The following DLGAP1 variants were observed in gnomAD, a reference collection of about 807,000 sequenced individuals.
The protein encoded by DLGAP1 is DLG associated protein 1, also known as disks large-associated protein 1.
In DLGAP1, 11 loss-of-function variants were observed where a neutral mutation model predicts 90.8. That is an observed-to-expected ratio of 0.12 (90% CI 0.08 to 0.20). DLGAP1 has a LOEUF of 0.20. Ranked by LOEUF, DLGAP1 falls within the 10% of genes least tolerant of loss-of-function variation. DLGAP1 has a pLI of 1.00. For synonymous variants in DLGAP1, 558 were observed against 540.7 expected (o/e 1.03, Z -0.44); for missense variants, 1,050 against 1,333.8 (o/e 0.79, Z 3.31).
At chr18:4,192,755 A>C (rs2077424532) in intron 1 of DLGAP1, among the ~76,000 whole-genome samples, 1 of 152,186 alleles carries the variant, frequency 6.6e-6, no homozygotes, top group African/African-American at 2.4e-5. Flanking sequence ...AATGAGGCCA[A>C]TGTGGATCTG....
chr18:3,827,057 G>A (rs2067757949), intron 4 of DLGAP1, among the ~76,000 whole-genome samples: 1 of 152,172 alleles, frequency 6.6e-6, no homozygotes, highest in Admixed American at 6.5e-5. Context: ...AGTAGACTCA[G>A]GATGGAAATT....
intron 3 of DLGAP1, among the ~76,000 whole-genome samples, chr18:3,956,307 A>C (rs1050592463): frequency 2.0e-5 from 3 of 152,202 alleles, no homozygotes; most frequent in Admixed American, 1.3e-4. Flanking sequence ...AAAAATGAAG[A>C]TGAAAGGAAG....
At chr18:3,780,862 T>G (rs1191574980) in intron 5 of DLGAP1, among the ~76,000 whole-genome samples, 1 of 148,630 alleles carries the variant, frequency 6.7e-6, no homozygotes, top group African/African-American at 2.4e-5. Flanking sequence ...AGTGCAGTGG[T>G]GCAATCTTAG....
chr18:3,877,818 A>G (rs1466384225), intron 4 of DLGAP1, among the ~76,000 whole-genome samples: 1 of 152,232 alleles, frequency 6.6e-6, no homozygotes, highest in African/African-American at 2.4e-5. Context: ...ATAGTTCTTG[A>G]TAACTTATTA....
At chr18:4,189,784 T>G (rs998108240) in intron 1 of DLGAP1, among the ~76,000 whole-genome samples, 1 of 152,040 alleles carries the variant, frequency 6.6e-6, no homozygotes, top group Non-Finnish European at 1.5e-5. Flanking sequence ...TAGAACAGAA[T>G]AGAGAGCCCA....
At chr18:4,382,610 A>G (rs568042014) in intron 1 of DLGAP1, among the ~76,000 whole-genome samples, 1 of 152,230 alleles carries the variant, frequency 6.6e-6, no homozygotes, top group South Asian at 2.1e-4. Context: ...TGCAATTAAA[A>G]AAACCTATGT....
chr18:4,386,454 A>G (rs2082232413), intron 1 of DLGAP1, among the ~76,000 whole-genome samples: 1 of 152,224 alleles, frequency 6.6e-6, no homozygotes, highest in Non-Finnish European at 1.5e-5. Flanking sequence ...AGTCCACTGG[A>G]TATGGCAAAT....
At chr18:4,226,743 C>A (rs1177543778) in intron 1 of DLGAP1, among the ~76,000 whole-genome samples, 2 of 144,942 alleles carry the variant, frequency 1.4e-5, no homozygotes, top group African/African-American at 2.5e-5. Context: ...GAAAACAGAC[C>A]ACAAGAGAAA....
chr18:4,067,585 G>A (rs544240592), intron 2 of DLGAP1, among the ~76,000 whole-genome samples: 53 of 143,684 alleles, frequency 3.7e-4, no homozygotes, highest in Non-Finnish European at 4.0e-4. Context: ...CTGAGAGTTT[G>A]GCATTTTTTT....
intron 4 of DLGAP1, among the ~76,000 whole-genome samples, chr18:3,817,871 C>T (rs544280060): frequency 1.0e-3 from 153 of 152,232 alleles, no homozygotes; most frequent in Middle Eastern, 3.4e-3. Context: ...AAAAGATAAC[C>T]TTGCAGCTGT....
intron 8 of DLGAP1, among the ~76,000 whole-genome samples, chr18:3,569,207 G>A (rs2054622110): frequency 6.8e-6 from 1 of 147,350 alleles, no homozygotes; most frequent in East Asian, 2.1e-4. Flanking sequence ...TCACCATGTT[G>A]GTCAGGCTGG....
At chr18:4,382,348 A>G (rs2082142768) in intron 1 of DLGAP1, among the ~76,000 whole-genome samples, 1 of 152,202 alleles carries the variant, frequency 6.6e-6, no homozygotes, top group Non-Finnish European at 1.5e-5. Context: ...AATAAAGTTT[A>G]GCCATTATTA....
chr18:3,853,404 T>C (rs2069452149), intron 4 of DLGAP1, among the ~76,000 whole-genome samples: 1 of 152,144 alleles, frequency 6.6e-6, no homozygotes, highest in African/African-American at 2.4e-5. Flanking sequence ...CATAAGATTA[T>C]AATACCATAT....
intron 1 of DLGAP1, among the ~76,000 whole-genome samples, chr18:4,240,377 A>G (rs563736845): frequency 6.6e-6 from 1 of 152,290 alleles, no homozygotes; most frequent in African/African-American, 2.4e-5. Flanking sequence ...ACACTGCTAG[A>G]GGAAAATACA....
In DLGAP1 at chr18:3,912,671, G is replaced by A. The variant is rs147987744; in HGVS notation, c.-72-32531C>T. Among the ~76,000 whole-genome samples the A allele has an allele frequency of 4.6e-3, 700 of 152,266 alleles. 7 individuals carry two copies. Among genetic ancestry groups the A allele is most frequent in the African/African-American group, 0.016 (662 of 41,552 alleles). On this transcript the variant is annotated intron_variant, in intron 3 of 12. Transcript: ENST00000315677. ...GCCAAACCAGGGAGGTGATAGGGGC[G>A]TGCCTCTGATGGAAACATATGGAAC... is the stretch of plus-strand genomic sequence containing the variant.
intron 1 of DLGAP1, among the ~76,000 whole-genome samples, chr18:4,432,062 T>C (rs564435505): frequency 9.2e-5 from 14 of 152,324 alleles, no homozygotes; most frequent in South Asian, 2.1e-4. Flanking sequence ...ACTCATGTGG[T>C]GGTGTCTTAT....
chr18:3,961,601 C>T (rs541631574), intron 3 of DLGAP1, among the ~76,000 whole-genome samples: 12 of 152,330 alleles, frequency 7.9e-5, no homozygotes, highest in African/African-American at 2.9e-4. Context: ...TTGTCCATCA[C>T]TCCCTCCTCC....
intron 1 of DLGAP1, among the ~76,000 whole-genome samples, chr18:4,227,852 T>C (rs990539037): frequency 4.0e-5 from 6 of 150,732 alleles, no homozygotes; most frequent in African/African-American, 7.3e-5. Context: ...TAATAAAGGT[T>C]AGAGCAAAAA....
intron 3 of DLGAP1, among the ~76,000 whole-genome samples, chr18:3,930,289 G>A (rs1829669750): frequency 6.6e-6 from 1 of 152,170 alleles, no homozygotes; most frequent in South Asian, 2.1e-4. Flanking sequence ...ACAAGTTGCT[G>A]AGTAGTTGCC....
Sources: allele counts gnomAD v4.1 joint callset (sites outside exome capture counted in the v4.1 genomes callset), GRCh38; gene constraint gnomAD v4.1.1; transcripts MANE v1.5; gene names NCBI Gene and HGNC (gene_info 2026-07-23, HGNC 2026-07-21).